ZNF346: variants seen among roughly 807,000 people sequenced by gnomAD.
The protein encoded by ZNF346 is zinc finger protein 346.
A neutral mutation model predicts 33.7 loss-of-function variants in ZNF346; 23 were observed. That is an observed-to-expected ratio of 0.68 (90% CI 0.49 to 0.97). ZNF346 has a LOEUF of 0.97. Among genes scored for constraint, ZNF346 ranks in the 50% least tolerant of loss-of-function variants. The pLI, the probability that ZNF346 is intolerant of heterozygous loss-of-function variation, is 0.00. For missense variants in ZNF346, 340 were observed against 371.1 expected, an observed-to-expected ratio of 0.92 and a Z score of 0.69; for synonymous variants, 134 against 142.4, an observed-to-expected ratio of 0.94 and a Z score of 0.42.
intron 8 of ZNF346, among the ~76,000 whole-genome samples, chr5:177,075,522 C>CTGAT (rs371147850): frequency 6.6e-6 from 1 of 152,192 alleles, no homozygotes; most frequent in Non-Finnish European, 1.5e-5. Flanking sequence ...ACTTTACTTA[C>CTGAT]TGATTGATTG....
chr5:177,054,640 C>T (rs1314037445), intron 5 of ZNF346, among the ~76,000 whole-genome samples: 1 of 152,024 alleles, frequency 6.6e-6, no homozygotes, highest in Non-Finnish European at 1.5e-5. Flanking sequence ...ACCTTGTGAT[C>T]CACACAGCTC....
intron 1 of ZNF346, among the ~76,000 whole-genome samples, chr5:177,030,444 C>T (rs1189568004): frequency 1.3e-5 from 2 of 150,780 alleles, no homozygotes. Flanking sequence ...TATGGTGAAA[C>T]CCCCATCTCT....
chr5:177,049,859 G>A (rs910198440), intron 4 of ZNF346, among the ~76,000 whole-genome samples: 1 of 151,088 alleles, frequency 6.6e-6, no homozygotes, highest in Admixed American at 6.6e-5. Context: ...TTTTTGAGGT[G>A]GAGTTTCGCT....
downstream of ZNF346, among the ~76,000 whole-genome samples, chr5:177,068,337 C>T (rs1783336065): frequency 6.9e-6 from 1 of 144,176 alleles, no homozygotes; most frequent in Non-Finnish European, 1.5e-5. Flanking sequence ...AAGCGATTAG[C>T]TAAAAAGGTA....
intron 5 of ZNF346, among the ~76,000 whole-genome samples, chr5:177,051,150 T>C (rs1652675157): frequency 6.6e-6 from 1 of 151,652 alleles, no homozygotes; most frequent in Non-Finnish European, 1.5e-5. Flanking sequence ...GCTGTTACCA[T>C]ATCTTTCAGG....
At chr5:177,058,686 C>T (rs1362794856) in intron 5 of ZNF346, among the ~76,000 whole-genome samples, 1 of 152,178 alleles carries the variant, frequency 6.6e-6, no homozygotes, top group Non-Finnish European at 1.5e-5. Context: ...GTTGATATCA[C>T]TGTGGGTCTT....
chr5:177,034,347 C>T (rs1010686659), intron 1 of ZNF346, among the ~76,000 whole-genome samples: 3 of 152,004 alleles, frequency 2.0e-5, no homozygotes, highest in Admixed American at 6.6e-5. Flanking sequence ...CCTCAGCCTA[C>T]CAAGTAGCTG....
chr5:177,042,010 C>A, intron 3 of ZNF346, 140 bp downstream of exon 3: 2 of 538,062 alleles, frequency 3.7e-6, no homozygotes, highest in Non-Finnish European at 6.8e-6. Flanking sequence ...CTTCACAAAG[C>A]CTTGATTTCT....
chr5:177,071,293 G>A (rs917267760), downstream of ZNF346, among the ~76,000 whole-genome samples: 4 of 151,946 alleles, frequency 2.6e-5, no homozygotes, highest in East Asian at 1.9e-4. Flanking sequence ...CCATCTGCTC[G>A]GGAGGCTGAG....
rs1783015800 is a variant in ZNF346 at position 177,064,962 on chromosome 5, G to T, written c.*363G>T. ...TTTTGGGCCAGTTCTTGCAACTAAA[G>T]AGCAGAGATCTCTCTGGGCCCTAGA... On this transcript the variant is annotated 3_prime_UTR_variant, in exon 7 of 7. Coordinates refer to ENST00000358149, the MANE Select transcript of ZNF346 (RefSeq NM_012279.4). 1 of 217,318 alleles carries T rather than the reference G, an allele frequency of 4.6e-6. No individual in the cohort carries two copies. The highest frequency in any genetic ancestry group is 9.2e-6 in the Non-Finnish European group (1 of 109,282). The allele number at this position is 217,318 out of a possible 1,614,324, so 13.5% of individuals were successfully genotyped here. A position where few individuals can be genotyped will look rare whatever the true frequency, so the allele number is the denominator to read the frequency against.
At chr5:177,035,513 T>C (rs1037328914) in intron 1 of ZNF346, among the ~76,000 whole-genome samples, 3 of 151,378 alleles carry the variant, frequency 2.0e-5, no homozygotes, top group African/African-American at 7.3e-5. Context: ...CAGGCTGGAG[T>C]GCAATGGCGC....
chr5:177,047,228 T>C (rs1780179593), intron 4 of ZNF346, among the ~76,000 whole-genome samples: 1 of 151,962 alleles, frequency 6.6e-6, no homozygotes, highest in South Asian at 2.1e-4. Flanking sequence ...TTTGTGTTTT[T>C]ATTAGAGACG....
At chr5:177,057,890 C>T (rs896019721) in intron 5 of ZNF346, among the ~76,000 whole-genome samples, 3 of 151,132 alleles carry the variant, frequency 2.0e-5, no homozygotes, top group African/African-American at 4.9e-5. Flanking sequence ...GGCGCAATCT[C>T]GGCTTACTGC....
intron 5 of ZNF346, among the ~76,000 whole-genome samples, chr5:177,061,364 G>C (rs563437947): frequency 2.0e-5 from 3 of 151,912 alleles, no homozygotes; most frequent in Non-Finnish European, 2.9e-5. Flanking sequence ...AGAATCCCTC[G>C]AACCCGGGAG....
At chr5:177,042,475 C>T (rs1561991385) in intron 3 of ZNF346, among the ~76,000 whole-genome samples, 1 of 151,718 alleles carries the variant, frequency 6.6e-6, no homozygotes, top group African/African-American at 2.4e-5. Context: ...GTGAGTTTGG[C>T]CAAGTCACTT....
At chr5:177,046,210 A>G (rs1780016578) in intron 4 of ZNF346, among the ~76,000 whole-genome samples, 1 of 151,340 alleles carries the variant, frequency 6.6e-6, no homozygotes, top group Non-Finnish European at 1.5e-5. Context: ...CTGAGGCAAG[A>G]GAATCGCTTG....
chr5:177,041,072 T>A (rs1319054020), intron 1 of ZNF346, 54 bp from the exon 2 acceptor site: 7 of 1,360,126 alleles, frequency 5.1e-6, no homozygotes, highest in Non-Finnish European at 7.4e-6. Flanking sequence ...TCAAAGGCAG[T>A]GCTGTTGAGG....
In ZNF346 at chr5:177,050,932, T is replaced by G; in HGVS notation, c.699T>G (p.Phe233Leu). 1 of 1,613,838 alleles carries G rather than the reference T, an allele frequency of 6.2e-7. No individual in the cohort carries two copies. Among genetic ancestry groups the G allele is most frequent in the Non-Finnish European group, 8.5e-7 (1 of 1,179,790 alleles). ...TGGCGGACCCTGCTGTCACTGACTT[T>G]CCAGGTGAGGGGGCCTAGCTCACAC... The part of the protein sequence containing the change: ...GRLADPAVTD[F>L]PAGKGYPCKT... The change falls in exon 5 of 7, where the codon TTT becomes TTG. Residue 233 changes from phenylalanine (F) to leucine (L), a missense_variant. Physicochemically the swap from Phe to Leu is conservative, Grantham distance 22. Transcript: ENST00000358149.
intron 1 of ZNF346, among the ~76,000 whole-genome samples, chr5:177,033,375 C>T (rs577919102): frequency 6.6e-6 from 1 of 152,232 alleles, no homozygotes; most frequent in East Asian, 1.9e-4. Context: ...ACTGACCCAG[C>T]CCTAGGATCT....
Sources: gnomAD v4.1 joint callset for allele counts (sites outside exome capture counted in the v4.1 genomes callset) on GRCh38, gnomAD v4.1.1 for gene constraint, MANE v1.5 for transcripts, NCBI Gene and HGNC (gene_info 2026-07-23, HGNC 2026-07-21) for gene names.